Variants in FAM174A observed in about 807,000 individuals in gnomAD.
FAM174A encodes family with sequence similarity 174 member A, also known as membrane protein FAM174A.
FAM174A carries 14 observed loss-of-function variants against 14.3 expected under a neutral mutation model. The ratio of observed to expected loss-of-function variants is 0.98; its 90% CI spans 0.65 to 1.53. The LOEUF (loss-of-function observed/expected upper bound fraction) is 1.53. FAM174A is among the 40% of genes most tolerant of loss of function. The pLI, the probability that FAM174A is intolerant of heterozygous loss-of-function variation, is 0.00. For missense variants in FAM174A, 241 were observed against 249.6 expected (o/e 0.97, Z 0.23); for synonymous variants, 108 against 111.4 (o/e 0.97, Z 0.19).
chr5:100,574,414 C>T (rs1274074915), intron 2 of FAM174A, among the ~76,000 whole-genome samples: 1 of 152,030 alleles, frequency 6.6e-6, no homozygotes, highest in Non-Finnish European at 1.5e-5. Context: ...TCTCAAACTC[C>T]TGGGCTCAGG....
rs34907639 is a variant in FAM174A at position 100,545,944 on chromosome 5, T to C, written c.434+9980T>C. Among the ~76,000 whole-genome samples the C allele has an allele frequency of 3.0e-3, 464 of 152,310 alleles. 1 individual carries two copies. The highest frequency in any genetic ancestry group is 5.1e-3 in the Non-Finnish European group (346 of 68,014). ...TTTATATAGATGTATACAAAAAACC[T>C]TATAAAATTATTTGATAAGTGTTAT... On this transcript the variant is annotated intron_variant, in intron 1 of 2. Transcript: ENST00000312637.
intron 1 of FAM174A, among the ~76,000 whole-genome samples, chr5:100,539,966 A>G (rs187269685): frequency 1.3e-5 from 2 of 152,148 alleles, no homozygotes; most frequent in African/African-American, 4.8e-5. Context: ...TTTGTTTCCT[A>G]CCTCAACTCC....
At chr5:100,547,857 T>C (rs909036705) in intron 1 of FAM174A, among the ~76,000 whole-genome samples, 3 of 152,050 alleles carry the variant, frequency 2.0e-5, no homozygotes, top group Non-Finnish European at 4.4e-5. Context: ...CATTTACTTA[T>C]CATGTATATG....
At chr5:100,564,043 A>T (rs1364736672) in intron 2 of FAM174A, among the ~76,000 whole-genome samples, 10 of 151,672 alleles carry the variant, frequency 6.6e-5, no homozygotes, top group Non-Finnish European at 1.3e-4. Flanking sequence ...AGTGTGTAGC[A>T]CCTGCTCCTC....
chr5:100,548,540 A>G (rs761141320), intron 1 of FAM174A, among the ~76,000 whole-genome samples: 67 of 152,078 alleles, frequency 4.4e-4, no homozygotes, highest in Non-Finnish European at 8.8e-4. Flanking sequence ...CCTTCATTAA[A>G]ATTACTTAGA....
intron 2 of FAM174A, among the ~76,000 whole-genome samples, chr5:100,566,170 A>ATATATATATATG (rs1287897978): frequency 7.0e-6 from 1 of 143,192 alleles, no homozygotes; most frequent in Non-Finnish European, 1.5e-5. Flanking sequence ...ATATATATAT[A>ATATATATATATG]TGTACATATA....
At chr5:100,539,047 G>A (rs1020140386) in intron 1 of FAM174A, among the ~76,000 whole-genome samples, 3 of 152,002 alleles carry the variant, frequency 2.0e-5, no homozygotes, top group Admixed American at 2.0e-4. Context: ...ATATTGGAAG[G>A]AAATCGATGC....
intron 2 of FAM174A, among the ~76,000 whole-genome samples, chr5:100,563,205 C>T (rs1196760948): frequency 1.3e-5 from 2 of 151,788 alleles, no homozygotes; most frequent in South Asian, 2.1e-4. Context: ...AATAGTATTA[C>T]AGCCTGAATA....
At chr5:100,579,918 T>C (rs768222248) in intron 2 of FAM174A, among the ~76,000 whole-genome samples, 14 of 152,212 alleles carry the variant, frequency 9.2e-5, no homozygotes, top group Non-Finnish European at 1.9e-4. Flanking sequence ...ATATTTGTTT[T>C]TGGCAAGCAT....
At chr5:100,564,519 G>A (rs1289599635) in intron 2 of FAM174A, among the ~76,000 whole-genome samples, 2 of 151,750 alleles carry the variant, frequency 1.3e-5, no homozygotes, top group Non-Finnish European at 2.9e-5. Flanking sequence ...TTAGCAGAAC[G>A]AGGGAAATAA....
intron 1 of FAM174A, among the ~76,000 whole-genome samples, chr5:100,549,597 C>T (rs1036500237): frequency 6.6e-6 from 1 of 151,262 alleles, no homozygotes; most frequent in African/African-American, 2.4e-5. Flanking sequence ...CATACATGAA[C>T]ACGCTTTTGA....
At chr5:100,545,240 G>GT (rs1746142605) in intron 1 of FAM174A, among the ~76,000 whole-genome samples, 1 of 152,112 alleles carries the variant, frequency 6.6e-6, no homozygotes, top group African/African-American at 2.4e-5. Flanking sequence ...TTGAAATTGG[G>GT]TTGAAAGATA....
chr5:100,571,672 G>GTATATATATATATA (rs529767869), intron 2 of FAM174A, among the ~76,000 whole-genome samples: 13 of 136,644 alleles, frequency 9.5e-5, no homozygotes, highest in Non-Finnish European at 1.4e-4. Flanking sequence ...GTGTGTGTGT[G>GTATATATATATATA]TATATATATA....
intron 1 of FAM174A, among the ~76,000 whole-genome samples, chr5:100,548,244 C>G (rs1458857659): frequency 1.3e-5 from 2 of 152,000 alleles, no homozygotes; most frequent in Admixed American, 6.6e-5. Flanking sequence ...CAATTGCTCT[C>G]TAAACAAAAT....
chr5:100,584,687 AAT>A (rs759914076), intron 2 of FAM174A, among the ~76,000 whole-genome samples: 2 of 152,186 alleles, frequency 1.3e-5, no homozygotes, highest in Non-Finnish European at 2.9e-5. Context: ...CTTAATTTTC[AAT>A]ATGAGATAAA....
At chr5:100,581,068 A>G (rs1030908388) in intron 2 of FAM174A, among the ~76,000 whole-genome samples, 1 of 152,130 alleles carries the variant, frequency 6.6e-6, no homozygotes, top group Non-Finnish European at 1.5e-5. Flanking sequence ...AGCTGGGATT[A>G]CAGGTGCCTG....
intron 1 of FAM174A, among the ~76,000 whole-genome samples, chr5:100,555,460 G>C (rs1193454204): frequency 6.6e-6 from 1 of 151,996 alleles, no homozygotes; most frequent in East Asian, 1.9e-4. Context: ...GGGATGGCTG[G>C]GTCAAATGGT....
At chr5:100,582,940 T>A (rs1561325833) in intron 2 of FAM174A, among the ~76,000 whole-genome samples, 1 of 152,218 alleles carries the variant, frequency 6.6e-6, no homozygotes, top group Non-Finnish European at 1.5e-5. Context: ...GTGTAATTTT[T>A]GGACTCCCCA....
rs370600341 is a variant in FAM174A at position 100,562,161 on chromosome 5, C to A, written c.542C>A (p.Thr181Lys). The change falls in exon 2 of 3, where the codon ACG becomes AAG. Residue 181 changes from threonine to lysine, a missense_variant. Coordinates refer to ENST00000312637, the MANE Select transcript of FAM174A (RefSeq NM_198507.3). Reference protein sequence around the residue: ...LEQDDEDDDNTLFDANHPRR With the variant: ...LEQDDEDDDNKLFDANHPRR ...CAGGATGATGAGGATGATGACAACA[C>A]GTTGTTTGATGCCAATCATCCTCGA... 3 of 1,580,862 alleles carry A rather than the reference C, an allele frequency of 1.9e-6. No homozygotes were observed. In the African/African-American group the frequency reaches 4.2e-5, roughly 22 times the overall value.
Sources: gnomAD v4.1 joint callset for allele counts (sites outside exome capture counted in the v4.1 genomes callset) on GRCh38, gnomAD v4.1.1 for gene constraint, MANE v1.5 for transcripts, NCBI Gene and HGNC (gene_info 2026-07-23, HGNC 2026-07-21) for gene names.